FBN3: variants seen among roughly 807,000 people sequenced by gnomAD.
FBN3 encodes fibrillin 3.
A neutral mutation model predicts 330.1 loss-of-function variants in FBN3; 234 were observed. The ratio of observed to expected loss-of-function variants is 0.71; its 90% confidence interval spans 0.64 to 0.79. The LOEUF (loss-of-function observed/expected upper bound fraction) is 0.79, where lower values mean the gene tolerates loss of function less well. Ranked by LOEUF, FBN3 falls within the 30% of genes least tolerant of loss-of-function variation. The probability of loss-of-function intolerance (pLI) is 0.00; values close to 1 mark genes in which losing one functional copy is unlikely to be tolerated. For synonymous variants in FBN3, 1,458 were observed against 1,517.3 expected (o/e 0.96, Z 0.91); for missense variants, 3,606 against 3,886.9 (o/e 0.93, Z 1.92).
At chr19:8,084,367 T>A (rs1032448467) in intron 56 of FBN3, among the ~76,000 whole-genome samples, 1 of 151,908 alleles carries the variant, frequency 6.6e-6, no homozygotes, top group South Asian at 2.1e-4. Context: ...GAACGAGCTC[T>A]CACTCACAAA....
In FBN3 at chr19:8,136,273, C is replaced by T. The variant is rs1286565980; in HGVS notation, c.1382G>A (p.Gly461Asp). ...GGTGCCGGGGATGTTGACGCAGTCA[C>T]CGTGGTGGCAGGGGCTGCTGGTGCA... ...DECTSSPCHH[G>D]DCVNIPGTYH... Residue 461 changes from glycine (G) to aspartate (D), a missense_variant, in exon 12 of 64, where the codon GGT (glycine) becomes GAT (aspartate). By Grantham distance (94) the Gly-to-Asp change is moderately conservative. Transcript: ENST00000600128. 3 of 1,604,974 alleles carry T rather than the reference C, an allele frequency of 1.9e-6. No homozygotes were observed. Among genetic ancestry groups the T allele is most frequent in the South Asian group, 2.2e-5 (2 of 89,728 alleles).
At chr19:8,148,132 GAC>G (rs1416072307) in intron 1 of FBN3, among the ~76,000 whole-genome samples, 1 of 151,974 alleles carries the variant, frequency 6.6e-6, no homozygotes, top group African/African-American at 2.4e-5. Context: ...GTCCCTCTGT[GAC>G]ACAGATACCC....
At chr19:8,130,340 T>TA (rs137977549) in intron 16 of FBN3, among the ~76,000 whole-genome samples, 49,668 of 133,094 alleles carry the variant, frequency 0.37, 9,321 homozygotes, top group East Asian at 0.59. Flanking sequence ...TCATCTCTAC[T>TA]AAAAAAAAAA....
At chr19:8,080,919 G>T in intron 59 of FBN3, 84 bp downstream of exon 59, 1 of 1,013,850 alleles carries the variant, frequency 9.9e-7, no homozygotes, top group Non-Finnish European at 1.5e-6. Context: ...ATTGCGCCTG[G>T]CCAACTTGAT....
chr19:8,135,935 T>TGGGGGGGGGGGGGGGGGGGG, intron 13 of FBN3, 26 bp downstream of exon 13: 20 of 1,344,152 alleles, frequency 1.5e-5, no homozygotes, highest in Non-Finnish European at 1.8e-5. Context: ...CGGAAGCCCC[T>TGGGGGGGGGGGGGGGGGGGG]GCCCACCCGC....
intron 8 of FBN3, among the ~76,000 whole-genome samples, chr19:8,140,949 T>C (rs2083396290): frequency 6.6e-6 from 1 of 151,678 alleles, no homozygotes; most frequent in Non-Finnish European, 1.5e-5. Context: ...TCCCAGCACT[T>C]TGGGAGGCCG....
rs770137308 is a variant in FBN3 at position 8,109,784 on chromosome 19, G to C, written c.4334-31C>G. ...GGGAGGAAGCGCGGTCCTCAGCAGG[G>C]AGCCCCTTCCTCGGCCCCCCTCCCT... On this transcript the variant is annotated intron_variant, in intron 34 of 63. Coordinates refer to ENST00000600128, the MANE Select transcript of FBN3 (RefSeq NM_032447.5). The surrounding 1 kb of genome is among the most constrained non-coding windows in gnomAD (Gnocchi z 5.2). 7 of 1,434,708 alleles carry C rather than the reference G, an allele frequency of 4.9e-6. No individual in the cohort carries two copies. Among genetic ancestry groups the C allele is most frequent in the Middle Eastern group, 3.7e-4 (2 of 5,336 alleles). The allele number at this position is 1,434,708 out of a possible 1,614,324, so 88.9% of individuals were successfully genotyped here.
intron 61 of FBN3, 171 bp downstream of exon 61, chr19:8,074,900 G>T: frequency 2.6e-6 from 2 of 782,868 alleles, no homozygotes; most frequent in Non-Finnish European, 3.9e-6. Flanking sequence ...TGCTTATTCT[G>T]CTGCACCTTG....
rs1234401052 is a variant in FBN3, at chr19:8,101,819, G to A, written c.5090-847C>T. 2.0e-5 allele frequency among the ~76,000 whole-genome samples: 3 copies of A among 152,320 alleles called. No homozygotes were observed. In the East Asian group the frequency reaches 5.8e-4, roughly 29 times the overall value. ...CTTTCCCACCAATGAAAACTCCATT[G>A]ATCCATCCTGAATTCTCGAAATCTG... On this transcript the variant is annotated intron_variant, in intron 40 of 63. Coordinates refer to ENST00000600128, the MANE Select transcript of FBN3 (RefSeq NM_032447.5).
chr19:8,106,193 C>T lies in FBN3; in HGVS notation c.4728G>A (p.Gly1576=). The part of the protein sequence containing the change: ...ECQELPGLCQ[G]GDCVNTFGSF... ...TGCCAAACGTGTTGACGCAGTCACC[C>T]CCCTGACACAGCCCTGGCAGCTCTT... The change falls in exon 38 of 64, where the codon GGG becomes GGA. Residue 1576 remains glycine, a synonymous_variant. Transcript: ENST00000600128. 1.9e-6 allele frequency: 3 copies of T among 1,614,146 alleles called. No individual in the cohort carries two copies. The highest frequency in any genetic ancestry group is 1.7e-5 in the Admixed American group (1 of 60,002).
chr19:8,091,924 G>T (rs998920509), intron 47 of FBN3, among the ~76,000 whole-genome samples: 2 of 152,222 alleles, frequency 1.3e-5, no homozygotes, highest in Non-Finnish European at 2.9e-5. Flanking sequence ...GCTCATGCCT[G>T]TAATCCCAGC....
chr19:8,091,907 C>T (rs545503351), intron 47 of FBN3, among the ~76,000 whole-genome samples: 3 of 152,218 alleles, frequency 2.0e-5, no homozygotes, highest in South Asian at 2.1e-4. Flanking sequence ...TAAGGCCGGG[C>T]GCGGTGGCTC....
In FBN3 at chr19:8,081,059, C is replaced by T; in HGVS notation, c.7397G>A (p.Gly2466Asp). 6.2e-7 allele frequency: 1 copy of T among 1,613,492 alleles called. No individual in the cohort carries two copies. The highest frequency in any genetic ancestry group is 8.5e-7 in the Non-Finnish European group (1 of 1,179,928). Residue 2466 changes from glycine (G) to aspartate (D), a missense_variant, in exon 59 of 64, where the codon GGC (glycine) becomes GAC (aspartate). Physicochemically the swap from Gly to Asp is moderately conservative, Grantham distance 94. Coordinates refer to ENST00000600128, the MANE Select transcript of FBN3 (RefSeq NM_032447.5). ...GGGCGGACAGCGGCAGGTGAAGGCG[C>T]CCACAGTGTTGACACAGAGGAACTG... ...NCQFLCVNTVGAFTCRCPPGF... is the reference protein window; with the variant it reads ...NCQFLCVNTVDAFTCRCPPGF...
At chr19:8,134,887 T>C (rs886665335) in intron 13 of FBN3, among the ~76,000 whole-genome samples, 2 of 151,386 alleles carry the variant, frequency 1.3e-5, no homozygotes, top group African/African-American at 2.4e-5. Context: ...TGAGCCAAGA[T>C]GGCACCACTG....
At chr19:8,075,231 T>C (rs2081612364) in intron 60 of FBN3, 41 bp from the exon 61 acceptor site, 2 of 1,579,882 alleles carry the variant, frequency 1.3e-6, no homozygotes, top group Non-Finnish European at 1.7e-6. Context: ...ACCAGACGGC[T>C]CTCAGGACCA....
At position 8,131,671 on chromosome 19, in the gene FBN3, C is replaced by T. The variant is rs138440561; in HGVS notation, c.1873G>A (p.Glu625Lys). 58 of 1,614,092 alleles carry T rather than the reference C, an allele frequency of 3.6e-5. No individual in the cohort carries two copies. In the African/African-American group the frequency reaches 4.0e-4, roughly 11 times the overall value. Residue 625 changes from glutamate to lysine, a missense_variant, in exon 15 of 64, where the codon GAG becomes AAG. By Grantham distance (56) the Glu-to-Lys change is moderately conservative. Coordinates refer to ENST00000600128, the MANE Select transcript of FBN3 (RefSeq NM_032447.5). The surrounding 1 kb of genome is among the most constrained non-coding windows in gnomAD (Gnocchi z 4.5). ...AAGGGGCGGGCACAGGAGCCCTTCT[C>T]GATGGCCCCATAGCAGGTGCTGCGC... ...HVRSTCYGAI[E>K]KGSCARPFPG...
At position 8,106,206 on chromosome 19, in the gene FBN3, C is replaced by T; in HGVS notation, c.4715G>A (p.Gly1572Glu). The T allele has an allele frequency of 6.2e-7, 1 of 1,614,152 alleles. No individual in the cohort carries two copies. The highest frequency in any genetic ancestry group is 1.1e-5 in the South Asian group (1 of 91,080). The change falls in exon 38 of 64, where the codon GGG (glycine) becomes GAG (glutamate). Residue 1572 changes from glycine to glutamate, a missense_variant. Coordinates refer to ENST00000600128, the MANE Select transcript of FBN3 (RefSeq NM_032447.5). Reference protein sequence around the residue: ...EDIDECQELPGLCQGGDCVNT... With the variant: ...EDIDECQELPELCQGGDCVNT... ...GACGCAGTCACCCCCCTGACACAGC[C>T]CTGGCAGCTCTTGGCACTCGTCGAT...
rs377000265 is a variant in FBN3, at chr19:8,138,511, C to G, written c.919G>C (p.Asp307His). 2 of 1,612,738 alleles carry G rather than the reference C, an allele frequency of 1.2e-6. No individual in the cohort carries two copies. The highest frequency in any genetic ancestry group is 2.7e-5 in the African/African-American group (2 of 75,048). Residue 307 changes from aspartate (D) to histidine (H), a missense_variant, in exon 9 of 64, where the codon GAC becomes CAC. Physicochemically the swap from Asp to His is moderately conservative, Grantham distance 81. Transcript: ENST00000600128. ...CTGCGAGTGTAGTGGCCGGCGAGGT[C>G]TCCAGCACAGCGGCCCCCGAAAAGC... is the stretch of plus-strand genomic sequence containing the variant. ...SVLFGGRCAGDLAGHYTRRQC... is the reference protein window; with the variant it reads ...SVLFGGRCAGHLAGHYTRRQC...
chr19:8,135,030 G>T (rs764051473), intron 13 of FBN3, among the ~76,000 whole-genome samples: 7 of 151,262 alleles, frequency 4.6e-5, no homozygotes, highest in Non-Finnish European at 8.8e-5. Context: ...CTAGGCTAGA[G>T]TGCAGTGATG....
Sources: gnomAD v4.1 joint callset for allele counts (sites outside exome capture counted in the v4.1 genomes callset) on GRCh38, gnomAD v4.1.1 for gene constraint, Gnocchi (gnomAD v3.1) non-coding constraint, MANE v1.5 for transcripts, NCBI Gene and HGNC (gene_info 2026-07-23, HGNC 2026-07-21) for gene names.